Variants in UTS2 observed in about 807,000 individuals in gnomAD.
UTS2 encodes the protein urotensin-2.
In UTS2, 10 loss-of-function variants were observed where a neutral mutation model predicts 12.6. The ratio of observed to expected loss-of-function variants is 0.80; its 90% CI spans 0.49 to 1.35. UTS2 has a LOEUF of 1.35. Ranked by LOEUF, UTS2 falls within the 40% of genes most tolerant of loss-of-function variation. UTS2 has a pLI of 0.00. For missense variants in UTS2, 142 were observed against 143.2 expected (o/e 0.99, Z 0.04); for synonymous variants, 52 against 50.0 (o/e 1.04, Z -0.17).
the UTS2 span, among the ~76,000 whole-genome samples, chr1:7,867,172 A>G: frequency 6.6e-6 from 1 of 152,060 alleles, no homozygotes. Context: ...ACATGGCCCA[A>G]ATTAAGCAAG....
the UTS2 span, among the ~76,000 whole-genome samples, chr1:7,903,006 TCCCTCTTC>T: frequency 1.8e-4 from 21 of 116,862 alleles, no homozygotes; most frequent in African/African-American, 9.5e-4. Flanking sequence ...CCTCCCTCCT[TCCCTCTTC>T]CCCTCCTTCC....
the UTS2 span, among the ~76,000 whole-genome samples, chr1:7,903,645 C>G: frequency 6.9e-6 from 1 of 145,426 alleles, no homozygotes; most frequent in African/African-American, 2.6e-5. Flanking sequence ...CCACGTCGGC[C>G]TCTCAAAGTG....
intron 2 of UTS2, among the ~76,000 whole-genome samples, chr1:7,849,970 ATT>A (rs35419840): frequency 3.6e-5 from 5 of 140,568 alleles, no homozygotes; most frequent in Non-Finnish European, 3.1e-5. Context: ...AAAGGCTCAA[ATT>A]TTTTTTTTTT....
At chr1:7,868,361 GT>G in the UTS2 span, among the ~76,000 whole-genome samples, 1 of 152,324 alleles carries the variant, frequency 6.6e-6, no homozygotes, top group East Asian at 1.9e-4. Flanking sequence ...ATGAGCTTGG[GT>G]TTTAGAGTCC....
the UTS2 span, among the ~76,000 whole-genome samples, chr1:7,869,673 C>T: frequency 1.5e-3 from 227 of 152,324 alleles, 2 homozygotes; most frequent in Non-Finnish European, 2.7e-3. Context: ...AGCGATGTTC[C>T]GGGTCTGGAT....
chr1:7,860,106 C>T, the UTS2 span, among the ~76,000 whole-genome samples: 71 of 152,248 alleles, frequency 4.7e-4, no homozygotes, highest in African/African-American at 1.6e-3. Context: ...TGAGCATGTG[C>T]CAGGGACTGT....
At chr1:7,863,123 G>GTAT in the UTS2 span, among the ~76,000 whole-genome samples, 1 of 149,440 alleles carries the variant, frequency 6.7e-6, no homozygotes, top group African/African-American at 2.5e-5. Context: ...GTATTGTATT[G>GTAT]TATTTGAGAC....
the UTS2 span, among the ~76,000 whole-genome samples, chr1:7,895,894 C>G: frequency 1.3e-5 from 2 of 152,162 alleles, no homozygotes; most frequent in Non-Finnish European, 2.9e-5. Context: ...ATGCGTCAAG[C>G]CATTATGGTA....
the UTS2 span, among the ~76,000 whole-genome samples, chr1:7,907,942 G>T: frequency 1.3e-5 from 2 of 152,024 alleles, no homozygotes; most frequent in African/African-American, 4.8e-5. Context: ...CAAGCAAGCA[G>T]ATCACCTGAG....
chr1:7,881,911 T>G, the UTS2 span, among the ~76,000 whole-genome samples: 1 of 152,204 alleles, frequency 6.6e-6, no homozygotes, highest in African/African-American at 2.4e-5. Context: ...AACAGCATGG[T>G]ATTGGTATAA....
chr1:7,850,911 C>G lies in UTS2; in HGVS notation c.115G>C (p.Asp39His). 6.2e-7 allele frequency: 1 copy of G among 1,614,126 alleles called. No individual in the cohort carries two copies. Among genetic ancestry groups the G allele is most frequent in the African/African-American group, 1.3e-5 (1 of 75,044 alleles). ...ISFQLSAPHE[D>H]ARLTPEELER... ...AGCTCCTCCGGAGTTAAGCGCGCGTCTTCATGAGGTGCTACAGAGTAAAAA... is the reference window on the plus strand; with the variant it reads ...AGCTCCTCCGGAGTTAAGCGCGCGTGTTCATGAGGTGCTACAGAGTAAAAA... The change falls in exon 2 of 4, where the codon GAC (aspartate) becomes CAC (histidine). Residue 39 changes from aspartate to histidine, a missense_variant. By Grantham distance (81) the Asp-to-His change is moderately conservative. Transcript: ENST00000361696.
At chr1:7,886,373 A>C in the UTS2 span, among the ~76,000 whole-genome samples, 1 of 152,330 alleles carries the variant, frequency 6.6e-6, no homozygotes, top group South Asian at 2.1e-4. Context: ...AGGAATGCTT[A>C]ATATATTGTT....
At chr1:7,883,443 A>G in the UTS2 span, among the ~76,000 whole-genome samples, 1 of 152,302 alleles carries the variant, frequency 6.6e-6, no homozygotes, top group African/African-American at 2.4e-5. Flanking sequence ...GAGAGAAGGA[A>G]TAAGTTCCAG....
At chr1:7,901,630 G>GTGTATA in the UTS2 span, among the ~76,000 whole-genome samples, 3,276 of 150,812 alleles carry the variant, frequency 0.022, 114 homozygotes, top group African/African-American at 0.074. Flanking sequence ...GTGTGTGTGT[G>GTGTATA]TATATATATA....
At chr1:7,887,592 C>CAAAAAAAAA in the UTS2 span, among the ~76,000 whole-genome samples, 3 of 62,438 alleles carry the variant, frequency 4.8e-5, no homozygotes, top group African/African-American at 1.9e-4. Flanking sequence ...CCAGTCTCTA[C>CAAAAAAAAA]AAAAAAAAAA....
chr1:7,901,442 A>C, the UTS2 span, among the ~76,000 whole-genome samples: 1 of 152,168 alleles, frequency 6.6e-6, no homozygotes, highest in Non-Finnish European at 1.5e-5. Flanking sequence ...ATGGAGGAAA[A>C]TGTTAGCATT....
chr1:7,885,911 G>T, the UTS2 span, among the ~76,000 whole-genome samples: 1 of 82,530 alleles, frequency 1.2e-5, no homozygotes, highest in South Asian at 5.1e-4. Context: ...GGTGGGGTGG[G>T]GGGGGGCGGG....
chr1:7,904,861 G>T, the UTS2 span, among the ~76,000 whole-genome samples: 3 of 126,190 alleles, frequency 2.4e-5, no homozygotes, highest in Non-Finnish European at 4.7e-5. Context: ...CCTAGATCGT[G>T]CCACTGGACT....
chr1:7,849,525 T>C (rs1367228810), intron 3 of UTS2, 115 bp downstream of exon 3: 11 of 978,330 alleles, frequency 1.1e-5, no homozygotes, highest in Middle Eastern at 4.3e-4. Context: ...TGGCCAATTA[T>C]TTTAAGGTGT....
Sources: allele counts gnomAD v4.1 joint callset (sites outside exome capture counted in the v4.1 genomes callset), GRCh38; gene constraint gnomAD v4.1.1; transcripts MANE v1.5; gene names NCBI Gene and HGNC (gene_info 2026-07-23, HGNC 2026-07-21).